Variants in DPP10 observed in about 807,000 individuals in gnomAD.
DPP10 encodes the protein dipeptidyl peptidase like 10.
A neutral mutation model predicts 120.9 loss-of-function variants in DPP10; 33 were observed. The ratio of observed to expected loss-of-function variants is 0.27; its 90% confidence interval spans 0.21 to 0.37. DPP10 has a LOEUF of 0.37. Ranked by LOEUF, DPP10 falls within the 10% of genes least tolerant of loss-of-function variation. DPP10 has a pLI of 1.00. For synonymous variants in DPP10, 337 were observed against 326.1 expected (o/e 1.03, Z -0.36); for missense variants, 816 against 942.8 (o/e 0.87, Z 1.76).
At chr2:115,561,870 C>T (rs943336949) in intron 5 of DPP10, among the ~76,000 whole-genome samples, 1 of 152,130 alleles carries the variant, frequency 6.6e-6, no homozygotes, top group East Asian at 1.9e-4. Flanking sequence ...CAAAGCAAAA[C>T]GAACACTTCC....
At chr2:114,609,322 C>T (rs1693089706) in intron 1 of DPP10, among the ~76,000 whole-genome samples, 1 of 152,150 alleles carries the variant, frequency 6.6e-6, no homozygotes, top group African/African-American at 2.4e-5. Context: ...ATATCCTTGA[C>T]TTGTGTCTCC....
chr2:115,743,310 A>G (rs1324029891), intron 9 of DPP10, among the ~76,000 whole-genome samples: 1 of 152,142 alleles, frequency 6.6e-6, no homozygotes, highest in African/African-American at 2.4e-5. Context: ...CCTAACGCTT[A>G]GTTGAGATGT....
At chr2:115,768,941 C>A (rs189674147) in intron 13 of DPP10, among the ~76,000 whole-genome samples, 5 of 150,874 alleles carry the variant, frequency 3.3e-5, no homozygotes, top group African/African-American at 1.2e-4. Flanking sequence ...AAAATATAAT[C>A]TATGTTTTTT....
At chr2:115,315,044 C>G (rs1444210685) in intron 2 of DPP10, among the ~76,000 whole-genome samples, 1 of 152,074 alleles carries the variant, frequency 6.6e-6, no homozygotes, top group African/African-American at 2.4e-5. Flanking sequence ...ACTTCAGCAG[C>G]TAGTTTGTGG....
chr2:114,700,888 G>A (rs534520553), intron 1 of DPP10, among the ~76,000 whole-genome samples: 13 of 152,102 alleles, frequency 8.5e-5, no homozygotes, highest in Non-Finnish European at 1.6e-4. Context: ...TTTCCTATTC[G>A]TCTTTTGGTG....
chr2:115,084,711 G>A (rs1284588988), intron 1 of DPP10, among the ~76,000 whole-genome samples: 9 of 152,184 alleles, frequency 5.9e-5, no homozygotes, highest in Non-Finnish European at 7.3e-5. Context: ...GGACACTGGC[G>A]TCCTTCCTCC....
chr2:115,633,024 G>A (rs1244325585), intron 5 of DPP10, among the ~76,000 whole-genome samples: 2 of 152,206 alleles, frequency 1.3e-5, no homozygotes, highest in Non-Finnish European at 2.9e-5. Context: ...ACAGTGTGGT[G>A]ATTCCTCAAG....
chr2:114,611,244 G>A (rs141956825), intron 1 of DPP10, among the ~76,000 whole-genome samples: 29 of 152,054 alleles, frequency 1.9e-4, no homozygotes, highest in African/African-American at 6.3e-4. Context: ...AAAAATTTTC[G>A]TTTTACTATA....
intron 1 of DPP10, among the ~76,000 whole-genome samples, chr2:115,099,405 G>A (rs891954297): frequency 2.6e-5 from 4 of 152,114 alleles, no homozygotes; most frequent in African/African-American, 7.2e-5. Flanking sequence ...ACTTTCTCCC[G>A]GTGATCAAGG....
rs1347556388 is a variant in DPP10, at chr2:114,545,536, T to A, written c.60+102698T>A. 2.0e-5 allele frequency among the ~76,000 whole-genome samples: 3 copies of A among 152,344 alleles called. No individual in the cohort carries two copies. In the East Asian group the frequency reaches 5.8e-4, roughly 29 times the overall value. On this transcript the variant is annotated intron_variant, in intron 1 of 25. Transcript: ENST00000410059. ...ACAATGTCTTTCCAACTGCCTTACCTTCTTCTTAGTAACCTGATGAGTACT... is the reference window on the plus strand; with the variant it reads ...ACAATGTCTTTCCAACTGCCTTACCATCTTCTTAGTAACCTGATGAGTACT...
At chr2:115,023,816 A>T (rs1380391060) in intron 1 of DPP10, among the ~76,000 whole-genome samples, 1 of 152,180 alleles carries the variant, frequency 6.6e-6, no homozygotes, top group Non-Finnish European at 1.5e-5. Context: ...ATCCCAGGGG[A>T]TAACACTCAG....
chr2:114,591,910 C>T (rs1194449506), intron 1 of DPP10, among the ~76,000 whole-genome samples: 4 of 152,060 alleles, frequency 2.6e-5, no homozygotes, highest in Non-Finnish European at 1.5e-5. Flanking sequence ...TTAACCAAAA[C>T]ATCATTACAG....
intron 7 of DPP10, among the ~76,000 whole-genome samples, chr2:115,726,248 A>G (rs2092763339): frequency 6.6e-6 from 1 of 152,194 alleles, no homozygotes; most frequent in Non-Finnish European, 1.5e-5. Flanking sequence ...ACGTTGGGAT[A>G]ATTTACATAT....
At chr2:115,163,455 A>G (rs2052592516) in intron 1 of DPP10, among the ~76,000 whole-genome samples, 6 of 152,188 alleles carry the variant, frequency 3.9e-5, no homozygotes. Flanking sequence ...AGTTCTTACA[A>G]AGCATTTGTT....
chr2:114,612,453 GA>G (rs1265853270), intron 1 of DPP10, among the ~76,000 whole-genome samples: 1 of 152,116 alleles, frequency 6.6e-6, no homozygotes, highest in Non-Finnish European at 1.5e-5. Flanking sequence ...TTCTCAATTT[GA>G]ACGTTTGGTG....
intron 3 of DPP10, among the ~76,000 whole-genome samples, chr2:115,422,365 A>T (rs997086203): frequency 6.6e-6 from 1 of 152,208 alleles, no homozygotes; most frequent in Non-Finnish European, 1.5e-5. Flanking sequence ...AGTTATTTCT[A>T]TCTGGGCATT....
At chr2:115,277,001 A>G (rs928151656) in intron 1 of DPP10, among the ~76,000 whole-genome samples, 2 of 152,188 alleles carry the variant, frequency 1.3e-5, no homozygotes, top group Non-Finnish European at 2.9e-5. Flanking sequence ...TTTCTGCTTT[A>G]TTTGTCCAAA....
In DPP10 at chr2:115,384,695, AAAAG is replaced by A. The variant is rs766505566; in HGVS notation, c.271+40790_271+40793del. 3.2e-3 allele frequency among the ~76,000 whole-genome samples: 466 copies of A among 144,184 alleles called. 3 individuals carry two copies. Among genetic ancestry groups the A allele is most frequent in the African/African-American group, 0.012 (436 of 36,484 alleles). 94.6% of individuals were successfully genotyped at this position (144,184 alleles called of 152,430 possible). On this transcript the variant is annotated intron_variant, in intron 3 of 25. Transcript: ENST00000410059. The stretch of plus-strand genomic sequence containing the variant: ...AGGAAGAAGAAGAGGAAGAAGAAGA[AAAAG>A]AAAGAAGAAAGAAGAAGAAGAAGAA...
At chr2:115,646,585 G>A (rs1170109385) in intron 5 of DPP10, among the ~76,000 whole-genome samples, 1 of 152,090 alleles carries the variant, frequency 6.6e-6, no homozygotes, top group Non-Finnish European at 1.5e-5. Context: ...TAAGCCACCT[G>A]GGCTAACAGG....
Sources: gnomAD v4.1 joint callset for allele counts (sites outside exome capture counted in the v4.1 genomes callset) on GRCh38, gnomAD v4.1.1 for gene constraint, MANE v1.5 for transcripts, NCBI Gene and HGNC (gene_info 2026-07-23, HGNC 2026-07-21) for gene names.